PDK3: variants seen among roughly 807,000 people sequenced by gnomAD.
The protein encoded by PDK3 is pyruvate dehydrogenase kinase, isozyme 3.
A neutral mutation model predicts 32.0 loss-of-function variants in PDK3; 12 were observed. The ratio of observed to expected loss-of-function variants is 0.37; its 90% CI spans 0.24 to 0.61. The LOEUF is 0.61. PDK3 is among the 20% of genes least tolerant of loss of function. PDK3 has a pLI of 0.65. For missense variants in PDK3, 188 were observed against 316.9 expected (o/e 0.59, Z 3.09); for synonymous variants, 122 against 116.3 (o/e 1.05, Z -0.31).
intron 6 of PDK3, among the ~76,000 whole-genome samples, chrX:24,520,290 A>G (rs1458498577): frequency 8.9e-6 from 1 of 112,276 alleles, no homozygotes; most frequent in East Asian, 2.8e-4. Context: ...AAACAACCCA[A>G]ATTTTCCACA....
chrX:24,549,330 T>A (rs1464136749), exon 12 of PDK3: 1 of 111,755 alleles, frequency 8.9e-6, no homozygotes, highest in Non-Finnish European at 1.9e-5. Flanking sequence ...TTTTGACCAA[T>A]GAATTGAGCT....
intron 6 of PDK3, among the ~76,000 whole-genome samples, chrX:24,525,620 T>C (rs1428935322): frequency 8.9e-6 from 1 of 111,888 alleles, no homozygotes; most frequent in Non-Finnish European, 1.9e-5. Context: ...TCTCAGATTG[T>C]CTTCAGATGA....
intron 1 of PDK3, among the ~76,000 whole-genome samples, chrX:24,493,498 A>G (rs1396315997): frequency 9.0e-6 from 1 of 111,537 alleles, no homozygotes; most frequent in East Asian, 2.8e-4. Context: ...AGTTTGGAAG[A>G]GAAAATTGTT....
At chrX:24,469,178 G>A (rs2097291737) in intron 1 of PDK3, among the ~76,000 whole-genome samples, 1 of 111,859 alleles carries the variant, frequency 8.9e-6, no homozygotes, top group African/African-American at 3.2e-5. Context: ...GTGGCAACCT[G>A]CCCTCCAGTG....
chrX:24,489,868 C>G, intron 1 of PDK3, among the ~76,000 whole-genome samples: 1 of 110,883 alleles, frequency 9.0e-6, no homozygotes. Context: ...AGTTTTATAA[C>G]AGGCTGATAA....
exon 12 of PDK3, among the ~76,000 whole-genome samples, chrX:24,543,214 T>C (rs181934718): frequency 3.6e-3 from 401 of 112,181 alleles, no homozygotes; most frequent in African/African-American, 0.012. Flanking sequence ...ATCAGTTTAG[T>C]CTGTTCTCTT....
At chrX:24,500,503 G>A (rs1921828965) in intron 3 of PDK3, among the ~76,000 whole-genome samples, 1 of 112,349 alleles carries the variant, frequency 8.9e-6, no homozygotes, top group Non-Finnish European at 1.9e-5. Flanking sequence ...CAGGTTATCC[G>A]ATGTGATTTA....
At chrX:24,512,851 C>T (rs1922158522) in intron 5 of PDK3, among the ~76,000 whole-genome samples, 1 of 111,320 alleles carries the variant, frequency 9.0e-6, no homozygotes. Context: ...CATGGCCTTT[C>T]CGCCTTTCTC....
chrX:24,488,414 C>A (rs969075328), intron 1 of PDK3, among the ~76,000 whole-genome samples: 1 of 112,317 alleles, frequency 8.9e-6, no homozygotes, highest in African/African-American at 3.2e-5. Flanking sequence ...AGAGGCCAGG[C>A]GCAGTGGCTC....
rs529149674 is a variant in PDK3, at chrX:24,515,437, C to T, written c.596-3496C>T. On this transcript the variant is annotated intron_variant, in intron 5 of 10. Coordinates refer to ENST00000379162, the MANE Select transcript of PDK3 (RefSeq NM_005391.5). ...ATCATGCTACTGGGCAAGCGAATTC[C>T]ATGAGGAATTAGCACATTTAGTGGG... Among the ~76,000 whole-genome samples the T allele has an allele frequency of 8.9e-5, 10 of 112,444 alleles. No homozygotes were observed. In the South Asian group the frequency reaches 3.3e-3, roughly 37 times the overall value.
chrX:24,523,397 C>T (rs1375702232), intron 6 of PDK3, among the ~76,000 whole-genome samples: 2 of 112,351 alleles, frequency 1.8e-5, no homozygotes, highest in African/African-American at 6.5e-5. Flanking sequence ...AAGAGGGTCA[C>T]TAGATGGAAG....
chrX:24,503,280 C>G (rs1921906289), intron 3 of PDK3, 47 bp from the exon 4 acceptor site: 1 of 970,835 alleles, frequency 1.0e-6, no homozygotes, highest in Admixed American at 2.6e-5. Context: ...TGTGCATCAG[C>G]CCATGAGATA....
At chrX:24,537,174 G>A (rs1319246547), downstream of PDK3, among the ~76,000 whole-genome samples, 1 of 99,205 alleles carries the variant, frequency 1.0e-5, no homozygotes, top group African/African-American at 3.7e-5. Context: ...TTGGAGTGCA[G>A]TGGCGCAATC....
chrX:24,501,736 A>G lies in PDK3; in HGVS notation c.321-1591A>G, dbSNP rs1265938769. ...CATAAATAAATAAACAAACAAACAA[A>G]CAGCTGTTCACCTTTTCCAGTTATT... is the stretch of plus-strand genomic sequence containing the variant. On this transcript the variant is annotated intron_variant, in intron 3 of 10. Transcript: ENST00000379162. Among the ~76,000 whole-genome samples the G allele has an allele frequency of 4.5e-5, 5 of 111,807 alleles. No homozygotes were observed. In the Admixed American group the frequency reaches 4.7e-4, roughly 11 times the overall value.
chrX:24,537,862 CA>C (rs1172777723), downstream of PDK3, among the ~76,000 whole-genome samples: 1 of 112,252 alleles, frequency 8.9e-6, no homozygotes, highest in Non-Finnish European at 1.9e-5. Context: ...CCACTCATCT[CA>C]AATGATGAAG....
chrX:24,547,750 T>C (rs1396193248), exon 12 of PDK3: 1 of 112,856 alleles, frequency 8.9e-6, no homozygotes, highest in East Asian at 2.8e-4. Context: ...TAGCTAATTA[T>C]TTTAATGTTT....
At chrX:24,470,500 A>G (rs1920979083) in intron 1 of PDK3, among the ~76,000 whole-genome samples, 1 of 110,411 alleles carries the variant, frequency 9.1e-6, no homozygotes, top group African/African-American at 3.3e-5. Flanking sequence ...CAGCCTGGCC[A>G]ACATGGTGAA....
At chrX:24,493,832 T>C (rs925883987) in intron 1 of PDK3, among the ~76,000 whole-genome samples, 1 of 112,343 alleles carries the variant, frequency 8.9e-6, no homozygotes, top group African/African-American at 3.2e-5. Context: ...AGAACATTTC[T>C]GTCTCCAAAG....
At chrX:24,501,340 T>C (rs1466766589) in intron 3 of PDK3, among the ~76,000 whole-genome samples, 1 of 112,895 alleles carries the variant, frequency 8.9e-6, no homozygotes, top group African/African-American at 3.2e-5. Flanking sequence ...GTTCATGCAA[T>C]TTGATCTTCT....
Sources: gnomAD v4.1 joint callset for allele counts (sites outside exome capture counted in the v4.1 genomes callset) on GRCh38, gnomAD v4.1.1 for gene constraint, MANE v1.5 for transcripts, NCBI Gene and HGNC (gene_info 2026-07-23, HGNC 2026-07-21) for gene names.